ANO4: variants seen among roughly 807,000 people sequenced by gnomAD.
The protein encoded by ANO4 is anoctamin 4, also known as anoctamin-4.
ANO4 carries 69 observed loss-of-function variants against 141.9 expected under a neutral mutation model. The observed-to-expected ratio is 0.49, with a 90% confidence interval of 0.40 to 0.59. ANO4 has a LOEUF of 0.59. Among genes scored for constraint, ANO4 ranks in the 20% least tolerant of loss-of-function variants. ANO4 has a pLI of 0.00. For missense variants in ANO4, 894 were observed against 1,162.2 expected, an observed-to-expected ratio of 0.77 and a Z score of 3.36; for synonymous variants, 350 against 394.3, an observed-to-expected ratio of 0.89 and a Z score of 1.33.
At chr12:100,834,466 T>A (rs2036798041) in intron 1 of ANO4, among the ~76,000 whole-genome samples, 1 of 152,128 alleles carries the variant, frequency 6.6e-6, no homozygotes, top group South Asian at 2.1e-4. Flanking sequence ...AAATTTTCAT[T>A]TCCTGAAGAG....
chr12:101,011,124 G>A (rs995023432), intron 8 of ANO4, among the ~76,000 whole-genome samples: 2 of 152,042 alleles, frequency 1.3e-5, no homozygotes, highest in Non-Finnish European at 2.9e-5. Context: ...GGCAGCCTTG[G>A]GGCAGCATTC....
intron 3 of ANO4, among the ~76,000 whole-genome samples, chr12:100,776,809 G>A (rs12822243): frequency 0.23 from 35,266 of 152,058 alleles, 4,721 homozygotes; most frequent in East Asian, 0.52. Context: ...CTTTTGCATT[G>A]GGAGTAATTT....
chr12:100,733,756 C>T, intron 1 of ANO4: 1 of 696,204 alleles, frequency 1.4e-6, no homozygotes. Flanking sequence ...ACCTTCTTGT[C>T]TTTTATTTTC....
chr12:100,972,083 A>G (rs532709060), intron 6 of ANO4, among the ~76,000 whole-genome samples: 1 of 152,230 alleles, frequency 6.6e-6, no homozygotes, highest in Non-Finnish European at 1.5e-5. Context: ...TAAACCTCAA[A>G]TTAGAAATGC....
chr12:100,919,259 A>T (rs951156703), intron 2 of ANO4, among the ~76,000 whole-genome samples: 1 of 152,188 alleles, frequency 6.6e-6, no homozygotes, highest in Non-Finnish European at 1.5e-5. Context: ...TACAGTGTTT[A>T]TAAAGTCTAC....
intron 9 of ANO4, among the ~76,000 whole-genome samples, chr12:101,022,763 G>A (rs755185327): frequency 2.9e-4 from 44 of 151,818 alleles, no homozygotes; most frequent in Non-Finnish European, 3.8e-4. Flanking sequence ...TTGTTGAGAC[G>A]GAGTCTCGGA....
chr12:100,922,154 T>C, intron 2 of ANO4, 72 bp from the exon 3 acceptor site: 10 of 1,109,590 alleles, frequency 9.0e-6, no homozygotes, highest in Non-Finnish European at 1.2e-5. Context: ...TGACATAGCT[T>C]CTCCTTGGGA....
At chr12:100,845,955 A>G (rs559364288) in intron 1 of ANO4, among the ~76,000 whole-genome samples, 1 of 152,322 alleles carries the variant, frequency 6.6e-6, no homozygotes, top group African/African-American at 2.4e-5. Flanking sequence ...CAACCTAGGA[A>G]CCAGAGCTTT....
chr12:100,748,422 T>G (rs1381077734), intron 3 of ANO4, among the ~76,000 whole-genome samples: 1 of 152,168 alleles, frequency 6.6e-6, no homozygotes, highest in East Asian at 1.9e-4. Flanking sequence ...TGTCCCTGCT[T>G]GCACACCATG....
intron 1 of ANO4, among the ~76,000 whole-genome samples, chr12:100,841,395 A>G (rs2037238500): frequency 6.6e-6 from 1 of 152,192 alleles, no homozygotes; most frequent in Admixed American, 6.5e-5. Flanking sequence ...AAGGTAGTGA[A>G]TAAGACAAAG....
In ANO4 at chr12:100,973,547, T is replaced by C. The variant is rs138069849; in HGVS notation, c.558-1298T>C. Among the ~76,000 whole-genome samples, 735 of 152,296 alleles carry C rather than the reference T, an allele frequency of 4.8e-3. 5 individuals are homozygous for C. The highest frequency in any genetic ancestry group is 0.017 in the African/African-American group (700 of 41,570). On this transcript the variant is annotated intron_variant, in intron 6 of 27. Coordinates refer to ENST00000392977, the MANE Select transcript of ANO4 (RefSeq NM_001286615.2). ...GTCCATGGATATTTTTTATAACTAA[T>C]AGACCTTACTTTTTAGAGAAATTTT...
intron 3 of ANO4, among the ~76,000 whole-genome samples, chr12:100,934,349 T>C (rs2136148016): frequency 6.6e-6 from 1 of 152,354 alleles, no homozygotes; most frequent in East Asian, 1.9e-4. Context: ...ATTTATTAAA[T>C]AGGGAATCCT....
chr12:100,949,791 A>G (rs1329370284), intron 5 of ANO4, among the ~76,000 whole-genome samples: 1 of 152,192 alleles, frequency 6.6e-6, no homozygotes, highest in African/African-American at 2.4e-5. Context: ...TCAGATGTTT[A>G]TCTGCTTGGA....
At chr12:101,067,690 C>CA (rs1190629597) in intron 14 of ANO4, among the ~76,000 whole-genome samples, 3 of 152,006 alleles carry the variant, frequency 2.0e-5, no homozygotes, top group Admixed American at 6.5e-5. Flanking sequence ...CTCCCAAAAA[C>CA]AAAAAAGTGC....
At chr12:100,966,822 T>G (rs947561318) in intron 5 of ANO4, among the ~76,000 whole-genome samples, 2 of 130,786 alleles carry the variant, frequency 1.5e-5, no homozygotes, top group Non-Finnish European at 3.2e-5. Context: ...CACACATATA[T>G]ATATACACAT....
chr12:100,908,555 A>G (rs1020854939), intron 2 of ANO4, among the ~76,000 whole-genome samples: 1 of 72,126 alleles, frequency 1.4e-5, no homozygotes, highest in African/African-American at 4.9e-5. Flanking sequence ...TTTAAAACTC[A>G]TATTATTCTG....
intron 1 of ANO4, among the ~76,000 whole-genome samples, chr12:100,868,625 C>T (rs1009860629): frequency 6.6e-5 from 10 of 152,120 alleles, no homozygotes; most frequent in African/African-American, 2.4e-4. Context: ...ATCCCATTTT[C>T]CAGGCTGCAG....
At chr12:100,893,719 A>G (rs1014170590) in intron 1 of ANO4, among the ~76,000 whole-genome samples, 1 of 152,146 alleles carries the variant, frequency 6.6e-6, no homozygotes, top group African/African-American at 2.4e-5. Context: ...AACAAGTCAC[A>G]TGGCAGAGAG....
At chr12:100,748,428 C>A (rs142919886) in intron 3 of ANO4, among the ~76,000 whole-genome samples, 1 of 152,206 alleles carries the variant, frequency 6.6e-6, no homozygotes, top group Non-Finnish European at 1.5e-5. Flanking sequence ...TGCTTGCACA[C>A]CATGTGCCCA....
Sources: allele counts gnomAD v4.1 joint callset (sites outside exome capture counted in the v4.1 genomes callset), GRCh38; gene constraint gnomAD v4.1.1; transcripts MANE v1.5; gene names NCBI Gene and HGNC (gene_info 2026-07-23, HGNC 2026-07-21).